KIF26B: variants seen among roughly 807,000 people sequenced by gnomAD.
The protein encoded by KIF26B is kinesin family member 26B.
KIF26B carries 63 observed loss-of-function variants against 151.2 expected under a neutral mutation model. The ratio of observed to expected loss-of-function variants is 0.42; its 90% CI spans 0.34 to 0.51. The LOEUF is 0.51. Among genes scored for constraint, KIF26B ranks in the 20% least tolerant of loss-of-function variants. KIF26B has a pLI of 0.07. For missense variants in KIF26B, 2,813 were observed against 2,913.6 expected (o/e 0.97, Z 0.79); for synonymous variants, 1,357 against 1,262.1 (o/e 1.08, Z -1.59).
intron 5 of KIF26B, among the ~76,000 whole-genome samples, chr1:245,578,129 A>T (rs914367681): frequency 6.6e-6 from 1 of 152,232 alleles, no homozygotes; most frequent in African/African-American, 2.4e-5. Flanking sequence ...CACTGACTCA[A>T]CTTCTGTGAT....
In KIF26B at chr1:245,704,482, T is replaced by TCACG. The variant is rs1446346393; in HGVS notation, c.*1877_*1880dup. On this transcript the variant is annotated 3_prime_UTR_variant, in exon 15 of 15. Transcript: ENST00000407071. ...GTGCTTTGGAAGCCAGCTCCCTGGGTCACGAGTCTGGCTTTGCACTTTCCA... is the reference window on the plus strand; with the variant it reads ...GTGCTTTGGAAGCCAGCTCCCTGGGTCACGCACGAGTCTGGCTTTGCACTTTCCA... 6.6e-6 allele frequency: 1 copy of TCACG among 152,244 alleles called. No homozygotes were observed. Among genetic ancestry groups the TCACG allele is most frequent in the Non-Finnish European group, 1.5e-5 (1 of 68,060 alleles). The allele number at this position is 152,244 out of a possible 1,614,324, so 9.4% of individuals were successfully genotyped here. A position where few individuals can be genotyped will look rare whatever the true frequency, so the allele number is the denominator to read the frequency against.
At chr1:245,670,424 G>A (rs2044272213) in intron 10 of KIF26B, among the ~76,000 whole-genome samples, 1 of 151,524 alleles carries the variant, frequency 6.6e-6, no homozygotes, top group African/African-American at 2.4e-5. Context: ...AGTATGTGAT[G>A]ATTTGATATA....
chr1:245,350,906 A>G (rs1297215815), intron 2 of KIF26B, among the ~76,000 whole-genome samples: 1 of 152,172 alleles, frequency 6.6e-6, no homozygotes, highest in African/African-American at 2.4e-5. Flanking sequence ...GTAGGCTGAT[A>G]ATGGAAGTTC....
rs1458560210 is a variant in KIF26B at position 245,687,518 on chromosome 1, G to C, written c.4535G>C (p.Gly1512Ala). Residue 1512 changes from glycine to alanine, a missense_variant, in exon 12 of 15, where the codon GGG (glycine) becomes GCG (alanine). Gly to Ala is a moderately conservative substitution (Grantham distance 60). Around this residue, in one of 3 missense-constraint regions of KIF26B, gnomAD observed 2,060 missense variants for 2,088.6 expected, o/e 0.99. Coordinates refer to ENST00000407071, the MANE Select transcript of KIF26B (RefSeq NM_018012.4). This position sits in a 1 kb window ranked among gnomAD's most constrained non-coding sequence, Gnocchi z 4.9. The part of the protein sequence containing the change: ...VTDNFRRVVD[G>A]CEMALPGLAT... Reference sequence around the variant, plus strand: ...GACAACTTCAGGAGGGTCGTGGATGGGTGTGAGATGGCCCTGCCCGGTTTG... The same window carrying C: ...GACAACTTCAGGAGGGTCGTGGATGCGTGTGAGATGGCCCTGCCCGGTTTG... 6.4e-7 allele frequency: 1 copy of C among 1,574,198 alleles called. No individual in the cohort carries two copies. Among genetic ancestry groups the C allele is most frequent in the Non-Finnish European group, 8.6e-7 (1 of 1,160,268 alleles).
rs562398292 is a variant in KIF26B, at chr1:245,530,625, G to A, written c.1167-10142G>A. ...ATGTTTTTATGTGTGCTGCCCAGAT[G>A]ACACAATTCAGGAAAATCTTTCAGC... On this transcript the variant is annotated intron_variant, in intron 4 of 14. Transcript: ENST00000407071. Among the ~76,000 whole-genome samples the A allele has an allele frequency of 2.2e-4, 34 of 152,288 alleles. 2 individuals are homozygous for A. The South Asian group carries it at 5.2e-3, about 23-fold the overall frequency.
At chr1:245,354,247 G>C (rs1672632377) in intron 2 of KIF26B, among the ~76,000 whole-genome samples, 1 of 152,154 alleles carries the variant, frequency 6.6e-6, no homozygotes, top group Non-Finnish European at 1.5e-5. Flanking sequence ...GCCTTATCGT[G>C]GCTTTTGTTT....
At chr1:245,254,099 T>C (rs556705050) in intron 2 of KIF26B, among the ~76,000 whole-genome samples, 12 of 152,296 alleles carry the variant, frequency 7.9e-5, no homozygotes, top group East Asian at 5.8e-4. Context: ...CGTGAGCCAC[T>C]GCACCCAGCT....
intron 2 of KIF26B, among the ~76,000 whole-genome samples, chr1:245,302,281 C>G (rs1005811331): frequency 8.5e-5 from 13 of 152,200 alleles, no homozygotes; most frequent in Non-Finnish European, 1.5e-4. Flanking sequence ...TATATTTACT[C>G]TGATGCCATA....
At chr1:245,581,938 A>AAGGAAGGG (rs1191076009) in intron 5 of KIF26B, among the ~76,000 whole-genome samples, 3 of 150,886 alleles carry the variant, frequency 2.0e-5, no homozygotes, top group African/African-American at 7.3e-5. Flanking sequence ...GGAAGGAAGG[A>AAGGAAGGG]AGGAAGGAAG....
At chr1:245,414,954 G>C (rs1312742846) in intron 3 of KIF26B, among the ~76,000 whole-genome samples, 1 of 152,182 alleles carries the variant, frequency 6.6e-6, no homozygotes, top group East Asian at 1.9e-4. Flanking sequence ...GGAATCAGAG[G>C]CCTGTGTTTC....
At chr1:245,274,131 A>G (rs954361557) in intron 2 of KIF26B, among the ~76,000 whole-genome samples, 8 of 152,324 alleles carry the variant, frequency 5.3e-5, no homozygotes, top group African/African-American at 1.9e-4. Flanking sequence ...CAAAATCTAT[A>G]TGCTTTTCTG....
At chr1:245,486,286 C>G (rs1053127638) in intron 4 of KIF26B, among the ~76,000 whole-genome samples, 3 of 151,778 alleles carry the variant, frequency 2.0e-5, no homozygotes, top group Non-Finnish European at 4.4e-5. Context: ...TTACGAGGGT[C>G]GTATTTGGAG....
chr1:245,581,090 C>T (rs774930287), intron 5 of KIF26B, among the ~76,000 whole-genome samples: 24 of 152,244 alleles, frequency 1.6e-4, no homozygotes, highest in Non-Finnish European at 2.8e-4. Context: ...ACAGGAAGAG[C>T]GTTGGCCACT....
Position 245,703,920 on chromosome 1 carries a change from C to T in KIF26B, c.*1314C>T, listed in dbSNP as rs2044807329. ...GGCAGAGAGAGCTTCCCCTCCATAACTCACACGACCCTGGATAGGCAGAAC... is the reference window on the plus strand; with the variant it reads ...GGCAGAGAGAGCTTCCCCTCCATAATTCACACGACCCTGGATAGGCAGAAC... On this transcript the variant is annotated 3_prime_UTR_variant, in exon 15 of 15. Transcript: ENST00000407071. 1 of 152,374 alleles carries T rather than the reference C, an allele frequency of 6.6e-6. No individual in the cohort carries two copies. The highest frequency in any genetic ancestry group is 6.5e-5 in the Admixed American group (1 of 15,298). The allele number at this position is 152,374 out of a possible 1,614,324, so 9.4% of individuals were successfully genotyped here.
Position 245,156,553 on chromosome 1 carries a change from G to T in KIF26B, c.335G>T (p.Gly112Val), listed in dbSNP as rs756559815. ...CCGGGCTTCGGCACAGGCTCCCCGG[G>T]CTCCGGCAGCGGCGGCGGCTCCTCC... is the stretch of plus-strand genomic sequence containing the variant. ...GSPGFGTGSP[G>V]SGSGGGSSPG... The change falls in exon 2 of 15, where the codon GGC becomes GTC. Residue 112 changes from glycine to valine, a missense_variant. Around this residue, in one of 3 missense-constraint regions of KIF26B, gnomAD observed 676 missense variants for 688.1 expected, o/e 0.98. Transcript: ENST00000407071. The T allele has an allele frequency of 2.0e-6, 3 of 1,534,728 alleles. No individual in the cohort carries two copies. The highest frequency in any genetic ancestry group is 2.6e-6 in the Non-Finnish European group (3 of 1,146,862).
intron 2 of KIF26B, among the ~76,000 whole-genome samples, chr1:245,215,302 A>T (rs1360772741): frequency 6.6e-6 from 1 of 152,096 alleles, no homozygotes; most frequent in Non-Finnish European, 1.5e-5. Flanking sequence ...CGGCCCCAGC[A>T]TGACACGGTC....
intron 4 of KIF26B, among the ~76,000 whole-genome samples, chr1:245,448,310 C>T (rs919665336): frequency 7.2e-5 from 11 of 152,182 alleles, no homozygotes; most frequent in Non-Finnish European, 1.2e-4. Context: ...CAGGTGCAAG[C>T]GATTCTCCTG....
intron 2 of KIF26B, among the ~76,000 whole-genome samples, chr1:245,255,075 G>A (rs769146730): frequency 6.6e-6 from 1 of 152,046 alleles, no homozygotes; most frequent in Non-Finnish European, 1.5e-5. Context: ...ATTATCTTGG[G>A]AATTATCTTG....
At chr1:245,193,454 T>G (rs1669143042) in intron 2 of KIF26B, among the ~76,000 whole-genome samples, 1 of 151,792 alleles carries the variant, frequency 6.6e-6, no homozygotes, top group Admixed American at 6.6e-5. Flanking sequence ...TCAATTGGTT[T>G]GAAAGCTTAG....
Sources: allele counts gnomAD v4.1 joint callset (sites outside exome capture counted in the v4.1 genomes callset), GRCh38; gene constraint gnomAD v4.1.1; regional missense constraint gnomAD v4.1.1; non-coding constraint Gnocchi (gnomAD v3.1); transcripts MANE v1.5; gene names NCBI Gene and HGNC (gene_info 2026-07-23, HGNC 2026-07-21).